Variants in KIF26B observed in about 807,000 individuals in gnomAD.
The protein encoded by KIF26B is kinesin-like protein KIF26B.
KIF26B carries 63 observed loss-of-function variants against 151.2 expected under a neutral mutation model. The observed-to-expected ratio is 0.42, with a 90% CI of 0.34 to 0.51. KIF26B has a LOEUF of 0.51. Among genes scored for constraint, KIF26B ranks in the 20% least tolerant of loss-of-function variants. The pLI is 0.07. For synonymous variants in KIF26B, 1,357 were observed against 1,262.1 expected (o/e 1.08, Z -1.59); for missense variants, 2,813 against 2,913.6 (o/e 0.97, Z 0.79).
chr1:245,298,748 T>C (rs1006420042), intron 2 of KIF26B, among the ~76,000 whole-genome samples: 2 of 152,220 alleles, frequency 1.3e-5, no homozygotes, highest in Non-Finnish European at 2.9e-5. Flanking sequence ...GCAGTGGTCA[T>C]AGCAGTGTGT....
At position 245,540,510 on chromosome 1, in the gene KIF26B, T is replaced by G; in HGVS notation, c.1167-257T>G. 7 of 674,010 alleles carry G rather than the reference T, an allele frequency of 1.0e-5. No homozygotes were observed. Among genetic ancestry groups the G allele is most frequent in the Non-Finnish European group, 1.9e-5 (7 of 367,516 alleles). 41.8% of individuals were successfully genotyped at this position (674,010 alleles called of 1,614,324 possible). On this transcript the variant is annotated intron_variant, in intron 4 of 14. Coordinates refer to ENST00000407071, the MANE Select transcript of KIF26B (RefSeq NM_018012.4). This position sits in a 1 kb window ranked among gnomAD's most constrained non-coding sequence, Gnocchi z 4.6. The stretch of plus-strand genomic sequence containing the variant: ...AAGCTGAATGTTGGTGGATAACACA[T>G]CATTCTTTGTAAATCGTGATTGCAG...
intron 6 of KIF26B, among the ~76,000 whole-genome samples, chr1:245,607,066 CAAA>C (rs35411674): frequency 5.2e-3 from 376 of 72,670 alleles, no homozygotes; most frequent in South Asian, 0.024. Context: ...AACTCCGTCT[CAAA>C]AAAAAAAAAA....
chr1:245,683,847 G>A (rs772412835), intron 10 of KIF26B, among the ~76,000 whole-genome samples: 10 of 152,128 alleles, frequency 6.6e-5, no homozygotes, highest in African/African-American at 1.4e-4. Context: ...TGGAAACCCT[G>A]GAGAAAGGCC....
rs1373709268 is a variant in KIF26B at position 245,156,341 on chromosome 1, C to T, written c.123C>T (p.Tyr41=). Residue 41 remains tyrosine (Y), a synonymous_variant, in exon 2 of 15, where the codon TAC becomes TAT. Coordinates refer to ENST00000407071, the MANE Select transcript of KIF26B (RefSeq NM_018012.4). ...PAAPFSPESW[Y]RKAYEESRAG... ...CGCCCTTCTCCCCGGAAAGCTGGTA[C>T]CGGAAAGCATACGAGGAGTCGCGCG... 1 of 1,547,534 alleles carries T rather than the reference C, an allele frequency of 6.5e-7. No homozygotes were observed. Among genetic ancestry groups the T allele is most frequent in the African/African-American group, 1.4e-5 (1 of 72,652 alleles).
intron 4 of KIF26B, among the ~76,000 whole-genome samples, chr1:245,454,834 A>G (rs1659477751): frequency 6.6e-6 from 1 of 152,106 alleles, no homozygotes; most frequent in Non-Finnish European, 1.5e-5. Context: ...CTCTCTTTAA[A>G]TGAAAATAAC....
intron 4 of KIF26B, among the ~76,000 whole-genome samples, chr1:245,539,186 A>C (rs1353154007): frequency 6.6e-6 from 1 of 152,192 alleles, no homozygotes; most frequent in Non-Finnish European, 1.5e-5. Flanking sequence ...TCAGTTTTAC[A>C]GATGAGAACA....
chr1:245,229,341 T>C (rs894583868), intron 2 of KIF26B, among the ~76,000 whole-genome samples: 1 of 152,048 alleles, frequency 6.6e-6, no homozygotes, highest in African/African-American at 2.4e-5. Context: ...TTTAGGGGGG[T>C]TGCAAATTTT....
At chr1:245,228,060 C>T (rs1168076571) in intron 2 of KIF26B, among the ~76,000 whole-genome samples, 1 of 152,140 alleles carries the variant, frequency 6.6e-6, no homozygotes, top group East Asian at 1.9e-4. Flanking sequence ...ATATAACATT[C>T]TTAGACTTGC....
intron 3 of KIF26B, among the ~76,000 whole-genome samples, chr1:245,404,753 G>A (rs116413707): frequency 6.6e-6 from 1 of 152,288 alleles, no homozygotes; most frequent in Non-Finnish European, 1.5e-5. Context: ...ACAATTCTCT[G>A]GTGTCAACTT....
chr1:245,624,418 A>G (rs958297987), intron 9 of KIF26B, among the ~76,000 whole-genome samples: 1 of 152,178 alleles, frequency 6.6e-6, no homozygotes, highest in African/African-American at 2.4e-5. Context: ...TACCCCCACC[A>G]GCATTTGGTG....
At chr1:245,590,759 T>C (rs759078941) in intron 5 of KIF26B, among the ~76,000 whole-genome samples, 29 of 151,890 alleles carry the variant, frequency 1.9e-4, no homozygotes, top group Non-Finnish European at 3.8e-4. Context: ...AATTTAAAAA[T>C]TAGCTGGGTG....
In KIF26B at chr1:245,684,406, C is replaced by T. The variant is rs13375765; in HGVS notation, c.2421+11C>T. ...AAAAAGAAGACGAAGGTAAGGAGCT[C>T]GCGGGGTGGGGGGGTGGTGGATGAG... is the stretch of plus-strand genomic sequence containing the variant. On this transcript the variant is annotated intron_variant, in intron 11 of 14. Transcript: ENST00000407071. 6,251 of 1,570,570 alleles carry T rather than the reference C, an allele frequency of 4.0e-3. 185 individuals are homozygous for T. In the African/African-American group the frequency reaches 0.068, roughly 17 times the overall value.
At chr1:245,316,262 C>T (rs1384244392) in intron 2 of KIF26B, among the ~76,000 whole-genome samples, 1 of 152,002 alleles carries the variant, frequency 6.6e-6, no homozygotes, top group Admixed American at 6.5e-5. Flanking sequence ...GATGGGATTA[C>T]AGGCACCCGC....
In KIF26B at chr1:245,563,493, C is replaced by T. The variant is rs1359941739; in HGVS notation, c.1350+22543C>T. Among the ~76,000 whole-genome samples, 2 of 152,182 alleles carry T rather than the reference C, an allele frequency of 1.3e-5. No individual in the cohort carries two copies. Among genetic ancestry groups the T allele is most frequent in the African/African-American group, 4.8e-5 (2 of 41,456 alleles). ...CTGTATCTCCAATTATATTTTGAAACTTTCTCCCTCTCACTTACTCCTCCA... is the reference window on the plus strand; with the variant it reads ...CTGTATCTCCAATTATATTTTGAAATTTTCTCCCTCTCACTTACTCCTCCA... On this transcript the variant is annotated intron_variant, in intron 5 of 14. Coordinates refer to ENST00000407071, the MANE Select transcript of KIF26B (RefSeq NM_018012.4). The surrounding 1 kb of genome is among the most constrained non-coding windows in gnomAD (Gnocchi z 4.6).
intron 3 of KIF26B, among the ~76,000 whole-genome samples, chr1:245,390,673 AC>A (rs1673663019): frequency 6.6e-6 from 1 of 152,138 alleles, no homozygotes; most frequent in South Asian, 2.1e-4. Flanking sequence ...GGAATAACAA[AC>A]CAACAAACTA....
chr1:245,522,156 A>G (rs962973792), intron 4 of KIF26B, among the ~76,000 whole-genome samples: 1 of 152,144 alleles, frequency 6.6e-6, no homozygotes, highest in Non-Finnish European at 1.5e-5. Flanking sequence ...GGTGTGAGCC[A>G]CCGCGCCCGG....
chr1:245,291,135 C>T (rs1348532773), intron 2 of KIF26B, among the ~76,000 whole-genome samples: 1 of 152,182 alleles, frequency 6.6e-6, no homozygotes, highest in Non-Finnish European at 1.5e-5. Flanking sequence ...GGCCCAGGCT[C>T]AACTGGCACA....
At chr1:245,439,351 A>C (rs928784508) in intron 4 of KIF26B, among the ~76,000 whole-genome samples, 123 of 121,486 alleles carry the variant, frequency 1.0e-3, no homozygotes, top group African/African-American at 3.4e-3. Context: ...TGTCTCAAAA[A>C]AAAAAAAAAA....
chr1:245,434,271 A>C (rs955858032), intron 4 of KIF26B, among the ~76,000 whole-genome samples: 2 of 152,342 alleles, frequency 1.3e-5, no homozygotes, highest in East Asian at 3.9e-4. Context: ...TTCAGCGATA[A>C]AAATAATTGC....
Sources: allele counts gnomAD v4.1 joint callset (sites outside exome capture counted in the v4.1 genomes callset), GRCh38; gene constraint gnomAD v4.1.1; non-coding constraint Gnocchi (gnomAD v3.1); transcripts MANE v1.5; gene names NCBI Gene and HGNC (gene_info 2026-07-23, HGNC 2026-07-21).